Variants in PEAK1 observed in about 807,000 individuals in gnomAD.
PEAK1 encodes inactive tyrosine-protein kinase PEAK1.
A neutral mutation model predicts 124.7 loss-of-function variants in PEAK1; 54 were observed. The ratio of observed to expected loss-of-function variants is 0.43; its 90% CI spans 0.35 to 0.54. The LOEUF (loss-of-function observed/expected upper bound fraction) is 0.54. PEAK1 is among the 20% of genes least tolerant of loss of function. PEAK1 has a pLI of 0.01. For synonymous variants in PEAK1, 719 were observed against 760.0 expected, an observed-to-expected ratio of 0.95 and a Z score of 0.89; for missense variants, 2,046 against 2,134.5, an observed-to-expected ratio of 0.96 and a Z score of 0.82.
At chr15:77,294,065 C>T (rs545394412) in intron 2 of PEAK1, among the ~76,000 whole-genome samples, 1 of 152,258 alleles carries the variant, frequency 6.6e-6, no homozygotes, top group South Asian at 2.1e-4. Flanking sequence ...CACACATTTA[C>T]CCCCAAAACA....
chr15:77,309,898 C>G (rs1358869236), intron 2 of PEAK1, among the ~76,000 whole-genome samples: 1 of 152,018 alleles, frequency 6.6e-6, no homozygotes, highest in Non-Finnish European at 1.5e-5. Context: ...ATAAAAGAAC[C>G]TTAAGTCATG....
intron 2 of PEAK1, among the ~76,000 whole-genome samples, chr15:77,286,933 C>A (rs910956706): frequency 3.9e-5 from 6 of 152,186 alleles, no homozygotes; most frequent in African/African-American, 1.2e-4. Context: ...CTTTGATAAT[C>A]CAAAAGAAGC....
Position 77,332,280 on chromosome 15 carries a change from T to A in PEAK1, c.-603+32883A>T, listed in dbSNP as rs1288571235. On this transcript the variant is annotated intron_variant, in intron 2 of 9. Coordinates refer to ENST00000682557, the MANE Select transcript of PEAK1 (RefSeq NM_001385026.1). ...CCCCCTGAAACTAAACAGGAATACC[T>A]GGTCACCATATATTTTTTGTTTGTT... The A allele has an allele frequency of 1.2e-5, 12 of 984,994 alleles. No individual in the cohort carries two copies. In the Admixed American group the frequency reaches 7.4e-4, roughly 61 times the overall value. The allele number at this position is 984,994 out of a possible 1,614,324, so 61.0% of individuals were successfully genotyped here.
At chr15:77,202,622 T>A (rs1241661784) in intron 6 of PEAK1, among the ~76,000 whole-genome samples, 3 of 150,250 alleles carry the variant, frequency 2.0e-5, no homozygotes, top group Admixed American at 1.3e-4. Context: ...AAAAAAAAAA[T>A]AGCTGGGCAT....
At chr15:77,171,552 G>A (rs2056506085) in intron 7 of PEAK1, among the ~76,000 whole-genome samples, 1 of 152,092 alleles carries the variant, frequency 6.6e-6, no homozygotes, top group Non-Finnish European at 1.5e-5. Context: ...AGGATAGGCA[G>A]ATATTTGTCA....
intron 2 of PEAK1, chr15:77,352,758 A>T: frequency 1.0e-6 from 1 of 967,420 alleles, no homozygotes; most frequent in Middle Eastern, 5.3e-4. Flanking sequence ...TTTCCCTATA[A>T]GACAGACATA....
At chr15:77,274,216 G>A (rs951504622) in intron 5 of PEAK1, among the ~76,000 whole-genome samples, 7 of 152,076 alleles carry the variant, frequency 4.6e-5, no homozygotes, top group Admixed American at 3.9e-4. Context: ...ACTGGCTTAC[G>A]CAAAGACTTC....
intron 6 of PEAK1, among the ~76,000 whole-genome samples, chr15:77,227,755 T>C (rs962094939): frequency 2.0e-5 from 3 of 152,214 alleles, no homozygotes; most frequent in South Asian, 4.1e-4. Flanking sequence ...CCCAGCACTA[T>C]GGGAGGCTAA....
downstream of PEAK1, chr15:77,106,773 T>G (rs992380172): frequency 2.6e-5 from 4 of 152,220 alleles, no homozygotes; most frequent in African/African-American, 9.6e-5. Flanking sequence ...TTACCCTTAA[T>G]CTTGTCTCCT....
chr15:77,159,254 CA>C (rs1474678511), intron 7 of PEAK1, among the ~76,000 whole-genome samples: 7 of 152,076 alleles, frequency 4.6e-5, no homozygotes, highest in Admixed American at 3.9e-4. Context: ...GTCTTGTTGC[CA>C]AGAGAATAGA....
intron 1 of PEAK1, among the ~76,000 whole-genome samples, chr15:77,405,092 G>A (rs751563738): frequency 2.3e-4 from 35 of 151,120 alleles, no homozygotes; most frequent in African/African-American, 7.8e-4. Context: ...TGCAACCTCC[G>A]CCTCCCGGGT....
intron 2 of PEAK1, among the ~76,000 whole-genome samples, chr15:77,293,731 T>G (rs1487943866): frequency 2.0e-5 from 3 of 152,210 alleles, no homozygotes; most frequent in Non-Finnish European, 4.4e-5. Flanking sequence ...GTGATGTGGA[T>G]TTGTTATATT....
At chr15:77,242,604 C>CTT (rs751782605) in intron 6 of PEAK1, among the ~76,000 whole-genome samples, 105 of 152,096 alleles carry the variant, frequency 6.9e-4, no homozygotes, top group Admixed American at 2.4e-3. Context: ...GAGGGTATCA[C>CTT]TTTTTTTTCC....
chr15:77,110,080 G>A lies in PEAK1; in HGVS notation c.*4076C>T, dbSNP rs968585789. ...TAACTCAAAATTGAGACGCTTAGTA[G>A]GACCCAAAGATCTTTCCTGGAAACT... On this transcript the variant is annotated 3_prime_UTR_variant, in exon 10 of 10. Coordinates refer to ENST00000682557, the MANE Select transcript of PEAK1 (RefSeq NM_001385026.1). 2 of 152,106 alleles carry A rather than the reference G, an allele frequency of 1.3e-5. No homozygotes were observed. Among genetic ancestry groups the A allele is most frequent in the African/African-American group, 4.8e-5 (2 of 41,408 alleles). The allele number at this position is 152,106 out of a possible 1,614,324, so 9.4% of individuals were successfully genotyped here.
At chr15:77,246,326 G>C (rs1322662470) in intron 6 of PEAK1, among the ~76,000 whole-genome samples, 2 of 151,694 alleles carry the variant, frequency 1.3e-5, no homozygotes, top group Non-Finnish European at 2.9e-5. Context: ...CTTTTGATAG[G>C]GATTTTATTC....
chr15:77,362,318 T>C (rs1329008337), intron 2 of PEAK1, among the ~76,000 whole-genome samples: 1 of 151,882 alleles, frequency 6.6e-6, no homozygotes, highest in Non-Finnish European at 1.5e-5. Flanking sequence ...TATGTACCTA[T>C]GAATATGTAC....
At chr15:77,183,566 T>C (rs1018382409) in intron 6 of PEAK1, among the ~76,000 whole-genome samples, 1 of 152,110 alleles carries the variant, frequency 6.6e-6, no homozygotes, top group Non-Finnish European at 1.5e-5. Flanking sequence ...AAAATGGAAT[T>C]TCATTCTTCT....
chr15:77,351,748 G>A (rs944652756), intron 2 of PEAK1: 3 of 985,264 alleles, frequency 3.0e-6, no homozygotes, highest in South Asian at 4.7e-5. Flanking sequence ...GGGCACAGAG[G>A]TTCTCCAACA....
At chr15:77,265,494 C>G (rs994293960) in intron 5 of PEAK1, among the ~76,000 whole-genome samples, 24 of 152,154 alleles carry the variant, frequency 1.6e-4, no homozygotes, top group African/African-American at 5.5e-4. Context: ...AGACAAAAGA[C>G]ACATGAAAAA....
Sources: gnomAD v4.1 joint callset for allele counts (sites outside exome capture counted in the v4.1 genomes callset) on GRCh38, gnomAD v4.1.1 for gene constraint, MANE v1.5 for transcripts, NCBI Gene and HGNC (gene_info 2026-07-23, HGNC 2026-07-21) for gene names.